The following WDR7 variants were observed in gnomAD, a reference collection of about 807,000 sequenced individuals.
WDR7 encodes WD repeat domain 7.
Under a neutral mutation model 169.4 loss-of-function variants are expected in WDR7, and 46 were observed. The observed-to-expected ratio is 0.27, with a 90% CI of 0.21 to 0.35. The LOEUF (loss-of-function observed/expected upper bound fraction) is 0.35. Among genes scored for constraint, WDR7 ranks in the 10% least tolerant of loss-of-function variants. The pLI is 1.00. For synonymous variants in WDR7, 612 were observed against 666.8 expected (o/e 0.92, Z 1.27); for missense variants, 1,534 against 1,859.3 (o/e 0.83, Z 3.22).
At chr18:56,656,286 T>G (rs2144410521) in intron 1 of WDR7, among the ~76,000 whole-genome samples, 1 of 151,602 alleles carries the variant, frequency 6.6e-6, no homozygotes, top group South Asian at 2.1e-4. Context: ...ACTGTTTTTT[T>G]TTTTTTTTTT....
intron 21 of WDR7, among the ~76,000 whole-genome samples, chr18:56,918,697 A>C (rs1395052992): frequency 6.6e-6 from 1 of 152,196 alleles, no homozygotes; most frequent in Non-Finnish European, 1.5e-5. Context: ...TTCATATTTC[A>C]CCATACAACT....
At chr18:56,709,204 A>T (rs1474713572) in intron 12 of WDR7, among the ~76,000 whole-genome samples, 2 of 152,290 alleles carry the variant, frequency 1.3e-5, no homozygotes, top group South Asian at 2.1e-4. Context: ...TTATGGTAGC[A>T]TGTGAGTGAT....
At position 57,028,438 on chromosome 18, in the gene WDR7, G is replaced by C. The variant is rs990123322; in HGVS notation, c.*1231G>C. 6.6e-5 allele frequency: 10 copies of C among 152,306 alleles called. No homozygotes were observed. Among genetic ancestry groups the C allele is most frequent in the East Asian group, 5.8e-4 (3 of 5,190 alleles). The allele number at this position is 152,306 out of a possible 1,614,324, so 9.4% of individuals were successfully genotyped here. On this transcript the variant is annotated 3_prime_UTR_variant, in exon 28 of 28. Coordinates refer to ENST00000254442, the MANE Select transcript of WDR7 (RefSeq NM_015285.3). ...AATGAAAAAAATAGAATTATATTTT[G>C]TATGAATTGTTTCTAACAAACCTTG...
chr18:56,943,299 G>T (rs1386292060), intron 25 of WDR7, among the ~76,000 whole-genome samples: 1 of 151,994 alleles, frequency 6.6e-6, no homozygotes, highest in East Asian at 1.9e-4. Context: ...CTGTGGTTCA[G>T]ATATGTGATG....
chr18:56,951,052 G>A (rs1254355767), intron 25 of WDR7, among the ~76,000 whole-genome samples: 3 of 152,030 alleles, frequency 2.0e-5, no homozygotes, highest in Non-Finnish European at 4.4e-5. Flanking sequence ...TATTTCCTCT[G>A]CCTAGAAGGC....
At chr18:56,765,331 T>C (rs1411937286) in intron 16 of WDR7, among the ~76,000 whole-genome samples, 9 of 152,212 alleles carry the variant, frequency 5.9e-5, no homozygotes, top group Admixed American at 5.2e-4. Context: ...CTTTTTCTGC[T>C]GTCTTTTAGA....
intron 20 of WDR7, among the ~76,000 whole-genome samples, chr18:56,827,610 TAGAA>T (rs1003062708): frequency 4.6e-5 from 7 of 151,642 alleles, no homozygotes; most frequent in Admixed American, 1.3e-4. Context: ...CAAAAATAGG[TAGAA>T]AGAATGAATA....
intron 26 of WDR7, among the ~76,000 whole-genome samples, chr18:57,001,047 AAGAG>A (rs10536689): frequency 0.017 from 2,253 of 129,314 alleles, 38 homozygotes; most frequent in East Asian, 0.05. Flanking sequence ...ATCTCTACAA[AAGAG>A]AGAGAGAGAG....
At position 56,830,064 on chromosome 18, in the gene WDR7, C is replaced by A. The variant is rs376032396; in HGVS notation, c.3304+13920C>A. 2.0e-5 allele frequency among the ~76,000 whole-genome samples: 3 copies of A among 152,166 alleles called. No homozygotes were observed. The South Asian group carries it at 6.2e-4, about 32-fold the overall frequency. On this transcript the variant is annotated intron_variant, in intron 20 of 27. Transcript: ENST00000254442. ...TGGTTAGTGTACTGTCCACATATAC[C>A]GGAAGTCTGCAGCGAATTGTTAAAT...
At chr18:56,830,086 A>G (rs911490469) in intron 20 of WDR7, among the ~76,000 whole-genome samples, 11 of 152,210 alleles carry the variant, frequency 7.2e-5, no homozygotes, top group Non-Finnish European at 2.9e-5. Flanking sequence ...GCGAATTGTT[A>G]AATATGATTT....
intron 26 of WDR7, among the ~76,000 whole-genome samples, chr18:56,971,772 C>T (rs1383751136): frequency 2.0e-5 from 3 of 152,164 alleles, no homozygotes; most frequent in Non-Finnish European, 4.4e-5. Flanking sequence ...ACCAAGAAAA[C>T]ACAGGGAAAG....
intron 21 of WDR7, among the ~76,000 whole-genome samples, chr18:56,896,963 A>G (rs1178086539): frequency 1.3e-5 from 2 of 151,928 alleles, no homozygotes; most frequent in Non-Finnish European, 2.9e-5. Flanking sequence ...TATATTTAAA[A>G]AATAAGAAAA....
chr18:56,891,532 A>G (rs866176233), intron 21 of WDR7, among the ~76,000 whole-genome samples: 4 of 140,270 alleles, frequency 2.9e-5, no homozygotes, highest in Middle Eastern at 3.6e-3. Flanking sequence ...AGGAAAGGAA[A>G]TAGCTCTTTA....
At chr18:56,794,302 C>CTTTTTT (rs1217568621) in intron 19 of WDR7, among the ~76,000 whole-genome samples, 2 of 29,464 alleles carry the variant, frequency 6.8e-5, no homozygotes, top group Non-Finnish European at 9.1e-5. Context: ...AAGGTAAAGT[C>CTTTTTT]TATTTTTTTT....
chr18:56,752,712 A>G (rs1599016337), intron 14 of WDR7, among the ~76,000 whole-genome samples: 1 of 152,164 alleles, frequency 6.6e-6, no homozygotes, highest in Non-Finnish European at 1.5e-5. Context: ...GTATTTTAGG[A>G]TGCTTAACTG....
At chr18:57,011,902 G>T (rs903084273) in intron 26 of WDR7, among the ~76,000 whole-genome samples, 8 of 152,296 alleles carry the variant, frequency 5.3e-5, no homozygotes, top group East Asian at 1.9e-4. Flanking sequence ...AAAGAAACAG[G>T]TTCCTAACTC....
intron 19 of WDR7, among the ~76,000 whole-genome samples, chr18:56,811,880 A>G (rs2044875338): frequency 6.6e-6 from 1 of 152,172 alleles, no homozygotes; most frequent in Non-Finnish European, 1.5e-5. Context: ...ATAACTTTAT[A>G]TGTCTTAAAA....
rs564831970 is a variant in WDR7 at position 56,741,159 on chromosome 18, A to G, written c.1989+9562A>G. ...ATGCTTTTTATATTTTAAAAATATT[A>G]TTAAGAATATGTGACATAAAGCTTT... is the stretch of plus-strand genomic sequence containing the variant. On this transcript the variant is annotated intron_variant, in intron 14 of 27. Coordinates refer to ENST00000254442, the MANE Select transcript of WDR7 (RefSeq NM_015285.3). Among the ~76,000 whole-genome samples the G allele has an allele frequency of 3.9e-5, 6 of 152,280 alleles. No homozygotes were observed. The South Asian group carries it at 1.2e-3, about 32-fold the overall frequency.
chr18:56,874,296 C>A (rs188201294), intron 20 of WDR7, among the ~76,000 whole-genome samples: 1 of 151,790 alleles, frequency 6.6e-6, no homozygotes, highest in East Asian at 1.9e-4. Flanking sequence ...AGTATGGTTA[C>A]GCATTTAGGT....
Sources: allele counts gnomAD v4.1 joint callset (sites outside exome capture counted in the v4.1 genomes callset), GRCh38; gene constraint gnomAD v4.1.1; transcripts MANE v1.5; gene names NCBI Gene and HGNC (gene_info 2026-07-23, HGNC 2026-07-21).